The following MGAT5 variants were observed in gnomAD, a reference collection of about 807,000 sequenced individuals.
MGAT5 encodes the protein alpha-1,6-mannosylglycoprotein 6-beta-N-acetylglucosaminyltransferase A.
Under a neutral mutation model 94.3 loss-of-function variants are expected in MGAT5, and 30 were observed. The ratio of observed to expected loss-of-function variants is 0.32; its 90% CI spans 0.24 to 0.43. The LOEUF is 0.43. Among genes scored for constraint, MGAT5 ranks in the 20% least tolerant of loss-of-function variants. The probability of loss-of-function intolerance (pLI) is 1.00; values close to 1 mark genes in which losing one functional copy is unlikely to be tolerated. For missense variants in MGAT5, 691 were observed against 905.5 expected (o/e 0.76, Z 3.04); for synonymous variants, 310 against 322.9 (o/e 0.96, Z 0.43).
intron 2 of MGAT5, among the ~76,000 whole-genome samples, chr2:134,296,918 G>T (rs775499395): frequency 3.3e-5 from 5 of 152,132 alleles, no homozygotes; most frequent in Non-Finnish European, 5.9e-5. Flanking sequence ...TCATCTGAAG[G>T]TGGGGTGGAG....
intron 4 of MGAT5, among the ~76,000 whole-genome samples, chr2:134,326,064 T>TG (rs1168592931): frequency 6.6e-6 from 1 of 151,666 alleles, no homozygotes; most frequent in African/African-American, 2.4e-5. Context: ...TTTTTTTTTT[T>TG]TTTTGATGTT....
rs772002787 is a variant in MGAT5 at position 134,254,630 on chromosome 2, T to C, written c.227T>C (p.Val76Ala). The change falls in exon 1 of 16, where the codon GTC (valine) becomes GCC (alanine). Residue 76 changes from valine to alanine, a missense_variant. By Grantham distance (64) the Val-to-Ala change is moderately conservative. This residue lies in a region of MGAT5 where 307 missense variants were observed against 335.4 expected (regional missense o/e 0.92). Transcript: ENST00000281923. ...RNVVDGPYAG[V>A]MTAYDLKKTL... ...GTGGTGGATGGGCCATACGCTGGAG[T>C]CATGACAGCTTATGGTAAGCACTGT... 6.2e-7 allele frequency: 1 copy of C among 1,614,054 alleles called. No homozygotes were observed. Among genetic ancestry groups the C allele is most frequent in the Non-Finnish European group, 8.5e-7 (1 of 1,179,992 alleles).
At chr2:134,400,450 G>A (rs1042575187) in intron 10 of MGAT5, among the ~76,000 whole-genome samples, 1 of 152,144 alleles carries the variant, frequency 6.6e-6, no homozygotes, top group African/African-American at 2.4e-5. Flanking sequence ...CTAAAAGTTA[G>A]TAAGTTCATA....
intron 14 of MGAT5, among the ~76,000 whole-genome samples, chr2:134,430,407 C>T (rs532288267): frequency 1.3e-5 from 2 of 152,300 alleles, no homozygotes; most frequent in African/African-American, 2.4e-5. Context: ...ACCAAATAGA[C>T]CTTGCTAAAT....
intron 1 of MGAT5, among the ~76,000 whole-genome samples, chr2:134,205,509 C>T (rs1679984149): frequency 1.3e-5 from 2 of 152,036 alleles, no homozygotes; most frequent in Admixed American, 1.3e-4. Context: ...CTGGAGCAGC[C>T]GGAGTGGGAG....
intron 12 of MGAT5, among the ~76,000 whole-genome samples, chr2:134,413,456 T>C (rs539525928): frequency 2.6e-5 from 4 of 152,298 alleles, no homozygotes; most frequent in African/African-American, 9.6e-5. Context: ...ATAACTGAAG[T>C]AATGTGACTG....
At chr2:134,415,765 G>A (rs1233673634) in intron 12 of MGAT5, among the ~76,000 whole-genome samples, 3 of 152,068 alleles carry the variant, frequency 2.0e-5, no homozygotes, top group Non-Finnish European at 2.9e-5. Context: ...TTATATTGAA[G>A]TCTAATCAAT....
intron 1 of MGAT5, among the ~76,000 whole-genome samples, chr2:134,235,553 A>T (rs1410287469): frequency 1.3e-5 from 2 of 152,142 alleles, no homozygotes. Context: ...CAGGGCCGGT[A>T]ACACCATGAG....
intron 7 of MGAT5, among the ~76,000 whole-genome samples, 176 bp from the exon 8 acceptor site, chr2:134,344,754 G>C (rs1398235471): frequency 6.6e-6 from 1 of 152,104 alleles, no homozygotes; most frequent in East Asian, 1.9e-4. Context: ...CAGGGTACTG[G>C]GTTGGCCTTA....
chr2:134,182,317 T>C (rs1688771815), intron 1 of MGAT5, among the ~76,000 whole-genome samples: 1 of 152,192 alleles, frequency 6.6e-6, no homozygotes, highest in Non-Finnish European at 1.5e-5. Context: ...TTGAGATCTT[T>C]AAGAGAAATG....
At chr2:134,356,690 A>G (rs1177759235) in intron 9 of MGAT5, among the ~76,000 whole-genome samples, 1 of 152,164 alleles carries the variant, frequency 6.6e-6, no homozygotes, top group African/African-American at 2.4e-5. Context: ...AGGGTCCTCA[A>G]AACCCTGTCG....
chr2:134,438,566 C>T (rs754391707), intron 14 of MGAT5, among the ~76,000 whole-genome samples: 1 of 152,196 alleles, frequency 6.6e-6, no homozygotes, highest in Non-Finnish European at 1.5e-5. Context: ...AAGAAAGCAA[C>T]GGCCACCAGT....
At chr2:134,264,139 C>T (rs1024268120) in intron 1 of MGAT5, among the ~76,000 whole-genome samples, 2 of 151,334 alleles carry the variant, frequency 1.3e-5, no homozygotes, top group Non-Finnish European at 2.9e-5. Flanking sequence ...TCTCCTGCCT[C>T]AGCCTCCTTA....
intron 1 of MGAT5, among the ~76,000 whole-genome samples, chr2:134,151,902 A>G (rs1394139946): frequency 2.5e-5 from 3 of 119,042 alleles, no homozygotes; most frequent in African/African-American, 3.4e-5. Flanking sequence ...GCCCACCGCC[A>G]TGGGACCTCA....
At chr2:134,230,038 G>A (rs971099504) in intron 1 of MGAT5, among the ~76,000 whole-genome samples, 9 of 152,206 alleles carry the variant, frequency 5.9e-5, no homozygotes, top group African/African-American at 2.2e-4. Context: ...GGGAAGTGAA[G>A]GATAGGGAGA....
intron 1 of MGAT5, among the ~76,000 whole-genome samples, chr2:134,148,909 C>T (rs189166103): frequency 1.0e-3 from 156 of 152,148 alleles, no homozygotes; most frequent in African/African-American, 3.2e-3. Context: ...CAGGAGCCTG[C>T]CACCACACCT....
At chr2:134,270,974 C>T (rs1043152248) in intron 2 of MGAT5, among the ~76,000 whole-genome samples, 4 of 152,126 alleles carry the variant, frequency 2.6e-5, no homozygotes, top group Non-Finnish European at 4.4e-5. Context: ...CCACCATTGC[C>T]GAAAATGCCT....
Position 134,293,708 on chromosome 2 carries a change from G to A in MGAT5, c.406+23158G>A, listed in dbSNP as rs143242988. ...TGGTCTCAAACTCCTGAGCTCAAGC[G>A]ATCTACCTGTCTCGGCCTCCGAAAG... is the stretch of plus-strand genomic sequence containing the variant. On this transcript the variant is annotated intron_variant, in intron 2 of 15. Coordinates refer to ENST00000281923, the MANE Select transcript of MGAT5 (RefSeq NM_002410.5). Among the ~76,000 whole-genome samples, 651 of 152,206 alleles carry A rather than the reference G, an allele frequency of 4.3e-3. 4 individuals are homozygous for A. The highest frequency in any genetic ancestry group is 0.015 in the African/African-American group (609 of 41,538).
At position 134,169,413 on chromosome 2, in the gene MGAT5, G is replaced by GACAC. The variant is rs71660291; in HGVS notation, c.-143+49146_-143+49149dup. On this transcript the variant is annotated intron_variant, in intron 1 of 16. Coordinates refer to the MGAT5 transcript ENST00000409645. Reference sequence around the variant, plus strand: ...ACACACACACACACACACACACACAGACACACACACACACACACACACACA... The same window carrying GACAC: ...ACACACACACACACACACACACACAGACACACACACACACACACACACACACACA... 3.8e-3 allele frequency among the ~76,000 whole-genome samples: 479 copies of GACAC among 126,970 alleles called. 2 individuals carry two copies. The highest frequency in any genetic ancestry group is 9.1e-3 in the African/African-American group (299 of 32,760). The allele number at this position is 126,970 out of a possible 152,430, so 83.3% of individuals were successfully genotyped here. A position where few individuals can be genotyped will look rare whatever the true frequency, so the allele number is the denominator to read the frequency against.
Sources: gnomAD v4.1 joint callset for allele counts (sites outside exome capture counted in the v4.1 genomes callset) on GRCh38, gnomAD v4.1.1 for gene constraint, gnomAD v4.1.1 regional missense constraint, MANE v1.5 for transcripts, NCBI Gene and HGNC (gene_info 2026-07-23, HGNC 2026-07-21) for gene names.